The following AGBL1 variants were observed in gnomAD, a reference collection of about 807,000 sequenced individuals.
AGBL1 encodes cytosolic carboxypeptidase 4.
Under a neutral mutation model 118.9 loss-of-function variants are expected in AGBL1, and 130 were observed. The observed-to-expected ratio is 1.09, with a 90% CI of 0.95 to 1.26. AGBL1 has a LOEUF of 1.26. Among genes scored for constraint, AGBL1 ranks in the 50% most tolerant of loss-of-function variants. The pLI is 0.00. For synonymous variants in AGBL1, 555 were observed against 478.9 expected (o/e 1.16, Z -2.08); for missense variants, 1,584 against 1,298.1 (o/e 1.22, Z -3.38).
At chr15:86,141,907 G>C in intron 1 of AGBL1, 97 bp from the exon 2 acceptor site, 1 of 1,225,998 alleles carries the variant, frequency 8.2e-7, no homozygotes. Flanking sequence ...CTTTCTCCAT[G>C]ACAGGAAGTA....
chr15:86,403,435 A>G (rs2081477699), intron 18 of AGBL1, among the ~76,000 whole-genome samples: 1 of 152,224 alleles, frequency 6.6e-6, no homozygotes, highest in Admixed American at 6.5e-5. Flanking sequence ...TGAATGCACT[A>G]GAGGAAACAA....
intron 22 of AGBL1, among the ~76,000 whole-genome samples, chr15:86,780,906 G>A (rs929143258): frequency 5.3e-5 from 8 of 151,998 alleles, no homozygotes; most frequent in African/African-American, 1.2e-4. Context: ...GACCTCAGGT[G>A]ATCCACCCAC....
chr15:86,217,972 G>A (rs568393477), intron 5 of AGBL1, among the ~76,000 whole-genome samples: 1 of 152,274 alleles, frequency 6.6e-6, no homozygotes, highest in African/African-American at 2.4e-5. Context: ...GAGTGGATAT[G>A]GATAGATTAG....
chr15:86,113,077 TG>T (rs1427323992), intron 1 of AGBL1, among the ~76,000 whole-genome samples: 1 of 152,118 alleles, frequency 6.6e-6, no homozygotes, highest in Non-Finnish European at 1.5e-5. Context: ...TGTTAGTAAA[TG>T]GTGAGTCTAT....
intron 21 of AGBL1, among the ~76,000 whole-genome samples, chr15:86,562,583 G>T (rs541467777): frequency 6.6e-6 from 1 of 152,166 alleles, no homozygotes; most frequent in Non-Finnish European, 1.5e-5. Flanking sequence ...ATGTTCATCA[G>T]GGATATTGGT....
intron 23 of AGBL1, among the ~76,000 whole-genome samples, chr15:86,961,137 T>C (rs574064295): frequency 3.3e-5 from 5 of 152,194 alleles, no homozygotes; most frequent in African/African-American, 1.2e-4. Flanking sequence ...ATAATAGACA[T>C]GTTAATTAGC....
At chr15:86,944,822 A>C (rs915724634) in intron 23 of AGBL1, among the ~76,000 whole-genome samples, 1 of 152,202 alleles carries the variant, frequency 6.6e-6, no homozygotes. Flanking sequence ...GCAATAAGTA[A>C]GAATCTTTAA....
chr15:86,798,258 A>G (rs1273306280), intron 22 of AGBL1, among the ~76,000 whole-genome samples: 1 of 152,184 alleles, frequency 6.6e-6, no homozygotes, highest in Non-Finnish European at 1.5e-5. Context: ...CAGTCAGATT[A>G]CCTGTGGAAC....
intron 17 of AGBL1, among the ~76,000 whole-genome samples, chr15:86,353,854 C>A (rs893058760): frequency 6.6e-6 from 1 of 151,966 alleles, no homozygotes; most frequent in Non-Finnish European, 1.5e-5. Context: ...GTATGAGAAC[C>A]CAATCATTTA....
At chr15:86,986,782 G>A (rs549807439) in intron 23 of AGBL1, among the ~76,000 whole-genome samples, 2 of 152,160 alleles carry the variant, frequency 1.3e-5, no homozygotes, top group Non-Finnish European at 2.9e-5. Flanking sequence ...TTATATTTAA[G>A]TGTTTTCTGT....
intron 24 of AGBL1, among the ~76,000 whole-genome samples, chr15:87,001,123 T>G (rs2081432666): frequency 7.1e-6 from 1 of 141,600 alleles, no homozygotes; most frequent in East Asian, 2.1e-4. Flanking sequence ...TTAAGGAGAT[T>G]TTGGGCTGAG....
At chr15:86,982,624 C>T (rs924604721) in intron 23 of AGBL1, among the ~76,000 whole-genome samples, 2 of 152,142 alleles carry the variant, frequency 1.3e-5, no homozygotes, top group East Asian at 3.8e-4. Context: ...TGAGCCTACT[C>T]AATGTGAAGA....
intron 22 of AGBL1, among the ~76,000 whole-genome samples, chr15:86,851,076 G>A (rs2079401225): frequency 6.6e-6 from 1 of 152,172 alleles, no homozygotes; most frequent in Non-Finnish European, 1.5e-5. Flanking sequence ...TAGACCTTCT[G>A]ATTAAGGGTG....
intron 23 of AGBL1, among the ~76,000 whole-genome samples, chr15:86,949,256 C>A (rs1240565055): frequency 6.6e-6 from 1 of 152,034 alleles, no homozygotes; most frequent in East Asian, 1.9e-4. Flanking sequence ...GAAAAACTTA[C>A]AAAATCAAGA....
At chr15:86,201,974 G>A (rs1214896825) in intron 5 of AGBL1, among the ~76,000 whole-genome samples, 2 of 152,086 alleles carry the variant, frequency 1.3e-5, no homozygotes, top group Admixed American at 1.3e-4. Flanking sequence ...TAACCAATTA[G>A]GAAAGTTCAG....
At chr15:86,722,714 A>G (rs1224353510) in intron 22 of AGBL1, among the ~76,000 whole-genome samples, 1 of 152,222 alleles carries the variant, frequency 6.6e-6, no homozygotes, top group Admixed American at 6.5e-5. Context: ...ATCAGAGTGA[A>G]CAGGCAACCT....
At chr15:86,394,092 A>G (rs567364162) in intron 17 of AGBL1, among the ~76,000 whole-genome samples, 2 of 152,286 alleles carry the variant, frequency 1.3e-5, no homozygotes, top group South Asian at 4.1e-4. Context: ...TCTGCTATGG[A>G]AGCCCAGAAA....
At chr15:86,892,183 A>T (rs548323505) in intron 22 of AGBL1, among the ~76,000 whole-genome samples, 5 of 152,178 alleles carry the variant, frequency 3.3e-5, no homozygotes, top group African/African-American at 1.2e-4. Context: ...TTTCCTCATT[A>T]ACCCACTCTC....
intron 18 of AGBL1, among the ~76,000 whole-genome samples, chr15:86,510,217 C>G (rs930602428): frequency 3.3e-5 from 5 of 152,222 alleles, no homozygotes; most frequent in Middle Eastern, 3.4e-3. Flanking sequence ...CAGAGTTAAA[C>G]ACATTGACAT....
Sources: allele counts gnomAD v4.1 joint callset (sites outside exome capture counted in the v4.1 genomes callset), GRCh38; gene constraint gnomAD v4.1.1; transcripts MANE v1.5; gene names NCBI Gene and HGNC (gene_info 2026-07-23, HGNC 2026-07-21).